RTF2: variants seen among roughly 807,000 people sequenced by gnomAD.
The protein encoded by RTF2 is replication termination factor 2.
Under a neutral mutation model 38.0 loss-of-function variants are expected in RTF2, and 18 were observed. The observed-to-expected ratio is 0.47, with a 90% confidence interval of 0.33 to 0.70. RTF2 has a LOEUF of 0.70. Ranked by LOEUF, RTF2 falls within the 30% of genes least tolerant of loss-of-function variation. The probability of loss-of-function intolerance (pLI) is 0.02; values close to 1 mark genes in which losing one functional copy is unlikely to be tolerated. For missense variants in RTF2, 311 were observed against 379.6 expected (o/e 0.82, Z 1.50); for synonymous variants, 126 against 137.1 (o/e 0.92, Z 0.57).
At chr20:56,488,532 G>A (rs1281528474) in intron 5 of RTF2, among the ~76,000 whole-genome samples, 1 of 152,222 alleles carries the variant, frequency 6.6e-6, no homozygotes, top group Non-Finnish European at 1.5e-5. Flanking sequence ...TGCTTTTCAT[G>A]GAGGGGGTGG....
intron 3 of RTF2, among the ~76,000 whole-genome samples, chr20:56,476,658 C>T (rs535816405): frequency 3.3e-5 from 5 of 152,202 alleles, no homozygotes; most frequent in Admixed American, 6.5e-5. Flanking sequence ...TTCCACCACA[C>T]CCAGCTAATT....
intron 5 of RTF2, among the ~76,000 whole-genome samples, chr20:56,509,602 A>T: frequency 7.1e-6 from 1 of 141,650 alleles, no homozygotes. Flanking sequence ...ACAAAGCGAG[A>T]TCCCATCTCA....
chr20:56,477,175 C>T (rs535475757), intron 4 of RTF2, 51 bp downstream of exon 4: 6 of 1,598,578 alleles, frequency 3.8e-6, no homozygotes, highest in East Asian at 4.5e-5. Flanking sequence ...GGAATACTGC[C>T]GGTTTTGGTG....
intron 5 of RTF2, chr20:56,496,954 G>A (rs1360667579): frequency 6.4e-7 from 1 of 1,551,406 alleles, no homozygotes; most frequent in Non-Finnish European, 8.7e-7. Context: ...CTGATGTAGT[G>A]TATGATTTCT....
intron 5 of RTF2, chr20:56,497,484 A>G: frequency 6.7e-7 from 1 of 1,499,852 alleles, no homozygotes; most frequent in Admixed American, 2.0e-5. Flanking sequence ...ACATTCTACT[A>G]CTTCTGGTTG....
At chr20:56,512,047 T>C (rs556211543) in intron 5 of RTF2, among the ~76,000 whole-genome samples, 22 of 152,276 alleles carry the variant, frequency 1.4e-4, no homozygotes, top group Admixed American at 1.2e-3. Flanking sequence ...TTTCACCATA[T>C]TGGTCAGGCT....
chr20:56,485,112 C>A (rs1982723687), intron 5 of RTF2, among the ~76,000 whole-genome samples: 1 of 152,020 alleles, frequency 6.6e-6, no homozygotes, highest in Non-Finnish European at 1.5e-5. Flanking sequence ...ATGAGCAAGG[C>A]AGAATCGATT....
At chr20:56,517,257 G>A (rs1985109102) in intron 8 of RTF2, 56 bp downstream of exon 8, 1 of 1,431,050 alleles carries the variant, frequency 7.0e-7, no homozygotes. Flanking sequence ...AACCCAGGTG[G>A]CCGAGTCCAG....
chr20:56,472,937 TG>T (rs200126486), intron 1 of RTF2, among the ~76,000 whole-genome samples: 1 of 152,042 alleles, frequency 6.6e-6, no homozygotes, highest in African/African-American at 2.4e-5. Context: ...TCCAGGAGTT[TG>T]GGGGCAGCAT....
intron 5 of RTF2, 102 bp downstream of exon 5, chr20:56,484,291 A>T (rs1333282571): frequency 2.9e-6 from 3 of 1,027,604 alleles, no homozygotes; most frequent in African/African-American, 3.2e-5. Flanking sequence ...ATCAGCTCTC[A>T]TAAGTTGCTT....
chr20:56,482,554 A>G (rs574026470), intron 4 of RTF2, among the ~76,000 whole-genome samples: 3 of 152,398 alleles, frequency 2.0e-5, no homozygotes, highest in South Asian at 2.1e-4. Context: ...ATTTAAATAT[A>G]TAGAAAAATG....
At chr20:56,493,901 T>C (rs732282) in intron 5 of RTF2, among the ~76,000 whole-genome samples, 138,306 of 152,182 alleles carry the variant, frequency 0.91, 63,078 homozygotes, top group East Asian at 0.99. Flanking sequence ...TTCTTCTGCA[T>C]GCAGAGTCGG....
rs374511539 is a variant in RTF2, at chr20:56,512,980, G to A, written c.478-335G>A. On this transcript the variant is annotated intron_variant, in intron 5 of 8. Transcript: ENST00000357348. ...ATTCCACACTCCCATAAGCAGGTAG[G>A]TGTCAGCATAGACCACGTTGTTCAT... Among the ~76,000 whole-genome samples the A allele has an allele frequency of 6.6e-5, 10 of 152,278 alleles. 1 individual carries two copies. The East Asian group carries it at 1.5e-3, about 24-fold the overall frequency.
chr20:56,482,257 A>G (rs1259415508), intron 4 of RTF2, among the ~76,000 whole-genome samples: 1 of 152,246 alleles, frequency 6.6e-6, no homozygotes, highest in Non-Finnish European at 1.5e-5. Context: ...TCTCTGATAT[A>G]AAATGGTACA....
rs57274640 is a variant in RTF2 at position 56,493,656 on chromosome 20, C to CAAAA, written c.477+9480_477+9483dup. Among the ~76,000 whole-genome samples the CAAAA allele has an allele frequency of 8.7e-4, 103 of 117,962 alleles. 2 individuals carry two copies. The highest frequency in any genetic ancestry group is 4.2e-3 in the South Asian group (15 of 3,562). 77.4% of individuals were successfully genotyped at this position (117,962 alleles called of 152,430 possible). On this transcript the variant is annotated intron_variant, in intron 5 of 8. Coordinates refer to ENST00000357348, the MANE Select transcript of RTF2 (RefSeq NM_016407.5). ...TGGGTGACAGAGCGAGACCCTGTCT[C>CAAAA]AAAAAAAAAAAAAAAAGACTACAAA...
Position 56,481,357 on chromosome 20 carries a change from G to A in RTF2, c.399-2754G>A, listed in dbSNP as rs370233045. ...CCGTGTTGCGTGTGGCAGACTGTGC[G>A]AGGGGAACTAACTGTCCTGTTCTGA... On this transcript the variant is annotated intron_variant, in intron 4 of 8. Coordinates refer to ENST00000357348, the MANE Select transcript of RTF2 (RefSeq NM_016407.5). 3.9e-5 allele frequency among the ~76,000 whole-genome samples: 6 copies of A among 152,338 alleles called. No individual in the cohort carries two copies. The South Asian group carries it at 1.0e-3, about 26-fold the overall frequency.
intron 4 of RTF2, among the ~76,000 whole-genome samples, chr20:56,481,257 T>G (rs1293574199): frequency 6.6e-6 from 1 of 152,238 alleles, no homozygotes; most frequent in Non-Finnish European, 1.5e-5. Context: ...CAGCAGTATT[T>G]AATCCTGAGC....
At position 56,473,289 on chromosome 20, in the gene RTF2, GT is replaced by G. The variant is rs767330913; in HGVS notation, c.70-6del. The G allele has an allele frequency of 1.2e-6, 2 of 1,600,244 alleles. No homozygotes were observed. Among genetic ancestry groups the G allele is most frequent in the Admixed American group, 1.7e-5 (1 of 59,400 alleles). ...GAGTTGAAAATTAATTGAATTTTTT[GT>G]TTTTTATTAGGTCGACAAAGATGCT... On this transcript the variant is annotated splice_polypyrimidine_tract_variant and intron_variant, in intron 1 of 8. Coordinates refer to ENST00000357348, the MANE Select transcript of RTF2 (RefSeq NM_016407.5).
At chr20:56,509,473 C>T (rs1442395714) in intron 5 of RTF2, among the ~76,000 whole-genome samples, 1 of 151,922 alleles carries the variant, frequency 6.6e-6, no homozygotes, top group East Asian at 1.9e-4. Context: ...ATTAGCTGGG[C>T]ATGATGGCGG....
Sources: allele counts gnomAD v4.1 joint callset (sites outside exome capture counted in the v4.1 genomes callset), GRCh38; gene constraint gnomAD v4.1.1; transcripts MANE v1.5; gene names NCBI Gene and HGNC (gene_info 2026-07-23, HGNC 2026-07-21).